Variants in LTBP1 observed in about 807,000 individuals in gnomAD.
The protein encoded by LTBP1 is latent transforming growth factor beta binding protein 1.
A neutral mutation model predicts 207.6 loss-of-function variants in LTBP1; 129 were observed. That is an observed-to-expected ratio of 0.62 (90% CI 0.54 to 0.72). LTBP1 has a LOEUF of 0.72. LTBP1 is among the 30% of genes least tolerant of loss of function. The pLI, the probability that LTBP1 is intolerant of heterozygous loss-of-function variation, is 0.00. For synonymous variants in LTBP1, 963 were observed against 833.7 expected (o/e 1.16, Z -2.67); for missense variants, 2,281 against 2,217.2 (o/e 1.03, Z -0.58).
chr2:33,175,048 G>A (rs570428989), intron 5 of LTBP1, among the ~76,000 whole-genome samples: 2,255 of 151,846 alleles, frequency 0.015, 19 homozygotes, highest in East Asian at 0.027. Flanking sequence ...TAAAACCATA[G>A]AAACCCTAGA....
intron 3 of LTBP1, among the ~76,000 whole-genome samples, chr2:33,078,412 C>T (rs181469927): frequency 1.3e-5 from 2 of 152,288 alleles, no homozygotes; most frequent in Admixed American, 1.3e-4. Flanking sequence ...CTAAAATTAG[C>T]TGTGCTGTTA....
intron 9 of LTBP1, among the ~76,000 whole-genome samples, chr2:33,230,731 C>T (rs1173448625): frequency 6.6e-6 from 1 of 152,138 alleles, no homozygotes; most frequent in Non-Finnish European, 1.5e-5. Context: ...AGATGTAAAT[C>T]TAAGTTTCAA....
At chr2:32,972,128 T>TTC (rs201880812) in intron 2 of LTBP1, among the ~76,000 whole-genome samples, 46,345 of 149,336 alleles carry the variant, frequency 0.31, 7,628 homozygotes, top group South Asian at 0.39. Context: ...TTTTTTTTTT[T>TTC]CTGTGGATTC....
At position 33,360,742 on chromosome 2, in the gene LTBP1, T is replaced by A; in HGVS notation, c.4146T>A (p.Asp1382Glu). 3 of 1,614,032 alleles carry A rather than the reference T, an allele frequency of 1.9e-6. No homozygotes were observed. Among genetic ancestry groups the A allele is most frequent in the Non-Finnish European group, 2.5e-6 (3 of 1,179,896 alleles). Residue 1382 changes from aspartate (D) to glutamate (E), a missense_variant, in exon 27 of 34, where the codon GAT becomes GAA. Transcript: ENST00000404816. ...CCCTSGVGWG[D>E]NCEIFPCPVL... ...GTACATCAGGCGTGGGATGGGGAGA[T>A]AACTGCGAAATCTTCCCCTGCCCGG...
intron 18 of LTBP1, among the ~76,000 whole-genome samples, chr2:33,277,177 A>T (rs2093442501): frequency 6.6e-6 from 1 of 151,980 alleles, no homozygotes; most frequent in Non-Finnish European, 1.5e-5. Context: ...CTAATTAGAC[A>T]TTTTTTGGCA....
rs1676679719 is a variant in LTBP1, at chr2:32,948,909, T to G, written c.529T>G (p.Trp177Gly). Residue 177 changes from tryptophan (W) to glycine (G), a missense_variant, in exon 2 of 34, where the codon TGG becomes GGG. Trp to Gly is a radical substitution (Grantham distance 184). Transcript: ENST00000404816. ...CTGTGGAGGGCGGTGCTGTCATGGC[T>G]GGAGTAAGGCCCCTGGCTCCCAGAG... ...NVCGGRCCHG[W>G]SKAPGSQRCT... The G allele has an allele frequency of 6.2e-7, 1 of 1,614,154 alleles. No individual in the cohort carries two copies.
intron 2 of LTBP1, among the ~76,000 whole-genome samples, chr2:33,015,688 TGGGCGATTTATAAAGAAAAGA>T (rs1423405146): frequency 6.6e-6 from 1 of 152,206 alleles, no homozygotes; most frequent in Non-Finnish European, 1.5e-5. Context: ...TGCCTGAGAC[TGGGCGATTTATAAAGAAAAGA>T]GGTTTAACTG....
At chr2:33,293,367 C>T (rs1573663914) in intron 20 of LTBP1, 85 bp downstream of exon 20, 1 of 1,348,612 alleles carries the variant, frequency 7.4e-7, no homozygotes, top group East Asian at 2.6e-5. Context: ...AAAGGGAACC[C>T]TGCTACCTGT....
intron 2 of LTBP1, among the ~76,000 whole-genome samples, chr2:32,956,892 A>G (rs150660): frequency 0.48 from 72,462 of 152,026 alleles, 17,641 homozygotes; most frequent in Admixed American, 0.54. Context: ...AATGACGTTA[A>G]TCTCCACGTA....
chr2:33,021,017 A>G lies in LTBP1; in HGVS notation c.674A>G (p.Asp225Gly), dbSNP rs894875974. Residue 225 changes from aspartate (D) to glycine (G), a missense_variant, in exon 3 of 34, where the codon GAC becomes GGC. Asp to Gly is a moderately conservative substitution (Grantham distance 94). Around this residue, in one of 3 missense-constraint regions of LTBP1, gnomAD observed 555 missense variants for 491.0 expected, o/e 1.13. Transcript: ENST00000404816. Reference sequence around the variant, plus strand: ...GCCTGTGAAACAATAGCTGCCCAGGACACCTCGTCACCAGTCTTTGGAGGG... The same window carrying G: ...GCCTGTGAAACAATAGCTGCCCAGGGCACCTCGTCACCAGTCTTTGGAGGG... The part of the protein sequence containing the change: ...GKACETIAAQ[D>G]TSSPVFGGQS... 56 of 1,613,918 alleles carry G rather than the reference A, an allele frequency of 3.5e-5. No homozygotes were observed. Among genetic ancestry groups the G allele is most frequent in the Non-Finnish European group, 4.6e-5 (54 of 1,179,980 alleles).
chr2:33,262,871 G>T (rs749320098), intron 14 of LTBP1, 50 bp downstream of exon 14: 1 of 1,360,246 alleles, frequency 7.4e-7, no homozygotes, highest in East Asian at 2.3e-5. Context: ...GAATAAAAAT[G>T]TAAGACGGGA....
intron 7 of LTBP1, among the ~76,000 whole-genome samples, chr2:33,194,888 C>T (rs960879515): frequency 6.6e-6 from 1 of 152,212 alleles, no homozygotes; most frequent in African/African-American, 2.4e-5. Flanking sequence ...CTTTTAGTTG[C>T]AGCCAGTGCT....
intron 7 of LTBP1, among the ~76,000 whole-genome samples, chr2:33,207,791 A>C (rs4671010): frequency 0.44 from 66,242 of 152,070 alleles, 15,008 homozygotes; most frequent in Non-Finnish European, 0.5. Flanking sequence ...TTAATGATCT[A>C]GTACTGGGAC....
chr2:33,335,714 A>G (rs920545744), intron 24 of LTBP1, among the ~76,000 whole-genome samples: 4 of 152,146 alleles, frequency 2.6e-5, no homozygotes, highest in African/African-American at 4.8e-5. Flanking sequence ...TTGGGCAGCT[A>G]TTCAGCTGGT....
intron 4 of LTBP1, among the ~76,000 whole-genome samples, chr2:33,113,834 C>T (rs190231083): frequency 1.4e-3 from 220 of 152,274 alleles, no homozygotes; most frequent in African/African-American, 5.0e-3. Flanking sequence ...TTTATCCATT[C>T]ATCAGTTGAT....
chr2:32,967,790 C>T (rs1680221421), intron 2 of LTBP1, among the ~76,000 whole-genome samples: 1 of 152,114 alleles, frequency 6.6e-6, no homozygotes, highest in Non-Finnish European at 1.5e-5. Flanking sequence ...GTATATTCTG[C>T]TGTCGTTGGA....
intron 23 of LTBP1, among the ~76,000 whole-genome samples, chr2:33,310,564 G>A (rs2094170308): frequency 6.6e-6 from 1 of 152,170 alleles, no homozygotes; most frequent in Non-Finnish European, 1.5e-5. Flanking sequence ...AAGTTAGGGA[G>A]TATGCTGCTC....
At chr2:33,177,623 A>G (rs2148606372) in intron 5 of LTBP1, among the ~76,000 whole-genome samples, 1 of 151,614 alleles carries the variant, frequency 6.6e-6, no homozygotes, top group South Asian at 2.1e-4. Context: ...AGCCGAGATC[A>G]CACCACTACA....
chr2:33,057,851 C>A (rs897881403), intron 3 of LTBP1, among the ~76,000 whole-genome samples: 2 of 152,250 alleles, frequency 1.3e-5, no homozygotes, highest in African/African-American at 4.8e-5. Flanking sequence ...GCTCCGGCCT[C>A]GGCCAGCCCA....
Sources: allele counts gnomAD v4.1 joint callset (sites outside exome capture counted in the v4.1 genomes callset), GRCh38; gene constraint gnomAD v4.1.1; regional missense constraint gnomAD v4.1.1; transcripts MANE v1.5; gene names NCBI Gene and HGNC (gene_info 2026-07-23, HGNC 2026-07-21).